GRM7: variants seen among roughly 807,000 people sequenced by gnomAD.
GRM7 encodes the protein metabotropic glutamate receptor 7.
A neutral mutation model predicts 84.5 loss-of-function variants in GRM7; 35 were observed. That is an observed-to-expected ratio of 0.41 (90% CI 0.32 to 0.55). The LOEUF is 0.55. Among genes scored for constraint, GRM7 ranks in the 20% least tolerant of loss-of-function variants. The probability of loss-of-function intolerance (pLI) is 0.19; values close to 1 mark genes in which losing one functional copy is unlikely to be tolerated. For synonymous variants in GRM7, 487 were observed against 455.1 expected, an observed-to-expected ratio of 1.07 and a Z score of -0.89; for missense variants, 1,003 against 1,194.6, an observed-to-expected ratio of 0.84 and a Z score of 2.36.
In GRM7 at chr3:7,055,459, T is replaced by C. The variant is rs552774875; in HGVS notation, c.520-90993T>C. On this transcript the variant is annotated intron_variant, in intron 1 of 9. Coordinates refer to ENST00000357716, the MANE Select transcript of GRM7 (RefSeq NM_000844.4). Reference sequence around the variant, plus strand: ...AAATCAAGAATTTAAACATTTTATATATAAATATTTTATATATCTGTGTGT... The same window carrying C: ...AAATCAAGAATTTAAACATTTTATACATAAATATTTTATATATCTGTGTGT... Among the ~76,000 whole-genome samples, 84 of 149,916 alleles carry C rather than the reference T, an allele frequency of 5.6e-4. 1 individual carries two copies. Among genetic ancestry groups the C allele is most frequent in the African/African-American group, 2.1e-3 (83 of 40,330 alleles).
intron 7 of GRM7, among the ~76,000 whole-genome samples, chr3:7,465,239 T>G (rs77025386): frequency 0.017 from 2,562 of 152,206 alleles, 84 homozygotes; most frequent in African/African-American, 0.059. Flanking sequence ...ATGCAGTAGT[T>G]TATACTTGGT....
chr3:6,888,807 A>G (rs974079913), intron 1 of GRM7, among the ~76,000 whole-genome samples: 7 of 152,144 alleles, frequency 4.6e-5, no homozygotes, highest in African/African-American at 1.2e-4. Context: ...CATTGAATCT[A>G]TAAATTACCT....
At chr3:7,159,068 A>G (rs1289904741) in intron 2 of GRM7, among the ~76,000 whole-genome samples, 2 of 152,180 alleles carry the variant, frequency 1.3e-5, no homozygotes, top group East Asian at 3.9e-4. Context: ...CATATATTAA[A>G]GGGTTTCTTT....
At chr3:7,148,846 C>T (rs993702312) in intron 2 of GRM7, among the ~76,000 whole-genome samples, 31 of 152,010 alleles carry the variant, frequency 2.0e-4, no homozygotes, top group Admixed American at 3.9e-4. Flanking sequence ...CCCTTGAGGA[C>T]GGGAGTAGCT....
chr3:7,032,482 G>A (rs1001337598), intron 1 of GRM7, among the ~76,000 whole-genome samples: 15 of 152,084 alleles, frequency 9.9e-5, no homozygotes, highest in South Asian at 2.1e-4. Flanking sequence ...TATTGTTTTC[G>A]TGCTTAGGAG....
At chr3:7,300,726 G>T (rs1699969672) in intron 3 of GRM7, among the ~76,000 whole-genome samples, 1 of 151,958 alleles carries the variant, frequency 6.6e-6, no homozygotes, top group Non-Finnish European at 1.5e-5. Context: ...TGTCCTCTCA[G>T]GGAAGATTTC....
intron 5 of GRM7, among the ~76,000 whole-genome samples, chr3:7,434,065 A>T (rs924162409): frequency 2.0e-5 from 3 of 152,128 alleles, no homozygotes; most frequent in South Asian, 4.1e-4. Context: ...TTCAACCCTA[A>T]GTTTTTCATG....
chr3:6,914,551 C>A (rs958280577), intron 1 of GRM7, among the ~76,000 whole-genome samples: 10 of 151,948 alleles, frequency 6.6e-5, no homozygotes, highest in African/African-American at 1.9e-4. Context: ...TACAGGAATG[C>A]ACCAGCACGC....
chr3:7,029,825 C>T (rs1046242049), intron 1 of GRM7, among the ~76,000 whole-genome samples: 2 of 152,156 alleles, frequency 1.3e-5, no homozygotes, highest in Admixed American at 1.3e-4. Context: ...CTTAATACCA[C>T]TGAACTATAC....
intron 7 of GRM7, among the ~76,000 whole-genome samples, chr3:7,572,430 G>A (rs1262430561): frequency 9.9e-5 from 15 of 152,198 alleles, no homozygotes; most frequent in East Asian, 5.8e-4. Context: ...AAACCTTAGG[G>A]AAGTCTCATC....
At position 7,727,918 on chromosome 3, in the gene GRM7, C is replaced by A. The variant is rs974889892; in HGVS notation, c.2699-12439C>A. Among the ~76,000 whole-genome samples, 3 of 152,278 alleles carry A rather than the reference C, an allele frequency of 2.0e-5. No homozygotes were observed. The East Asian group carries it at 5.8e-4, about 29-fold the overall frequency. On this transcript the variant is annotated intron_variant, in intron 9 of 9. Coordinates refer to ENST00000357716, the MANE Select transcript of GRM7 (RefSeq NM_000844.4). ...AATCCTAGACAGAGCTGCAGCTCTG[C>A]GATTCTGTCTTTTGCCTGTCAGGCT...
chr3:6,894,228 AG>A (rs1288648976), intron 1 of GRM7, among the ~76,000 whole-genome samples: 1 of 152,194 alleles, frequency 6.6e-6, no homozygotes, highest in African/African-American at 2.4e-5. Context: ...TAAAATCTGT[AG>A]CAGAATTACA....
chr3:7,009,788 G>A (rs956001213), intron 1 of GRM7, among the ~76,000 whole-genome samples: 42 of 152,098 alleles, frequency 2.8e-4, no homozygotes, highest in African/African-American at 8.5e-4. Flanking sequence ...CTTAACTAGG[G>A]TCCATTAGCC....
intron 4 of GRM7, among the ~76,000 whole-genome samples, chr3:7,336,940 G>A (rs986765543): frequency 4.6e-5 from 7 of 151,982 alleles, no homozygotes; most frequent in African/African-American, 1.7e-4. Flanking sequence ...TGAATGGGTA[G>A]AATCAATATT....
intron 6 of GRM7, among the ~76,000 whole-genome samples, chr3:7,457,378 C>A (rs769145165): frequency 6.6e-6 from 1 of 152,066 alleles, no homozygotes; most frequent in Non-Finnish European, 1.5e-5. Context: ...TCCTGCATCC[C>A]AAATCAAAGC....
At chr3:7,424,302 AAAAAAGG>A (rs1236514520) in intron 5 of GRM7, among the ~76,000 whole-genome samples, 4 of 152,244 alleles carry the variant, frequency 2.6e-5, no homozygotes, top group East Asian at 1.9e-4. Context: ...AAAACCAAAA[AAAAAAGG>A]AAAAAGAAAA....
chr3:7,622,148 C>G (rs1420220657), intron 8 of GRM7, among the ~76,000 whole-genome samples: 2 of 152,120 alleles, frequency 1.3e-5, no homozygotes, highest in African/African-American at 4.8e-5. Context: ...GTCCCAAAAG[C>G]TGCAGACCAG....
intron 8 of GRM7, among the ~76,000 whole-genome samples, chr3:7,646,225 T>C (rs566691101): frequency 9.2e-5 from 14 of 152,286 alleles, no homozygotes; most frequent in Admixed American, 2.0e-4. Context: ...GGAGTCTCAC[T>C]CTGTTGCCCA....
At chr3:6,992,900 T>C (rs485914) in intron 1 of GRM7, among the ~76,000 whole-genome samples, 151,511 of 152,356 alleles carry the variant, frequency 0.99, 75,339 homozygotes, top group African/African-American at 1. Flanking sequence ...CAGCACCCTG[T>C]GACACAGATC....
Sources: allele counts gnomAD v4.1 joint callset (sites outside exome capture counted in the v4.1 genomes callset), GRCh38; gene constraint gnomAD v4.1.1; transcripts MANE v1.5; gene names NCBI Gene and HGNC (gene_info 2026-07-23, HGNC 2026-07-21).